Variants in CUEDC1 observed in about 807,000 individuals in gnomAD.
CUEDC1 encodes the protein CUE domain containing 1.
Under a neutral mutation model 43.7 loss-of-function variants are expected in CUEDC1, and 30 were observed. That is an observed-to-expected ratio of 0.69 (90% CI 0.51 to 0.93). The LOEUF (loss-of-function observed/expected upper bound fraction) is 0.93. CUEDC1 is among the 40% of genes least tolerant of loss of function. The probability of loss-of-function intolerance (pLI) is 0.00; values close to 1 mark genes in which losing one functional copy is unlikely to be tolerated. For missense variants in CUEDC1, 486 were observed against 549.0 expected (o/e 0.89, Z 1.15); for synonymous variants, 223 against 223.6 (o/e 1.00, Z 0.02).
intron 10 of CUEDC1, among the ~76,000 whole-genome samples, chr17:57,865,108 G>A (rs2073938195): frequency 6.6e-6 from 1 of 152,220 alleles, no homozygotes; most frequent in African/African-American, 2.4e-5. Context: ...AGTTTCTGAT[G>A]TAGGGGTGGT....
chr17:57,875,082 T>C (rs2074097625), intron 3 of CUEDC1, among the ~76,000 whole-genome samples: 1 of 152,056 alleles, frequency 6.6e-6, no homozygotes. Context: ...TCTACATCAC[T>C]GCCACCTTCT....
At chr17:57,947,136 G>A (rs902737360) in intron 1 of CUEDC1, among the ~76,000 whole-genome samples, 4 of 147,454 alleles carry the variant, frequency 2.7e-5, no homozygotes, top group African/African-American at 1.0e-4. Flanking sequence ...CCAGCTTGCT[G>A]GTCACCAGGA....
rs193032642 is a variant in CUEDC1 at position 57,897,149 on chromosome 17, C to T, written c.-315-11270G>A. Among the ~76,000 whole-genome samples the T allele has an allele frequency of 1.4e-3, 208 of 152,236 alleles. 2 individuals are homozygous for T. Among genetic ancestry groups the T allele is most frequent in the African/African-American group, 4.6e-3 (192 of 41,548 alleles). Reference sequence around the variant, plus strand: ...TAATTATAGCAAACGTCTATGAGCACTTGGTAGGTACATGCATTTTCTATA... The same window carrying T: ...TAATTATAGCAAACGTCTATGAGCATTTGGTAGGTACATGCATTTTCTATA... On this transcript the variant is annotated intron_variant, in intron 1 of 10. Transcript: ENST00000577830.
intron 2 of CUEDC1, among the ~76,000 whole-genome samples, chr17:57,881,671 GC>G (rs2074206246): frequency 6.6e-6 from 1 of 152,150 alleles, no homozygotes; most frequent in Admixed American, 6.5e-5. Flanking sequence ...GGAGGAGAGC[GC>G]AGTAGAAACT....
At chr17:57,951,069 C>T (rs1195795938) in intron 1 of CUEDC1, among the ~76,000 whole-genome samples, 4 of 146,114 alleles carry the variant, frequency 2.7e-5, no homozygotes, top group South Asian at 4.4e-4. Context: ...CTCCACTGTG[C>T]GGTCCTCTCT....
intron 1 of CUEDC1, among the ~76,000 whole-genome samples, chr17:57,894,635 A>C (rs1017018172): frequency 6.6e-6 from 1 of 152,170 alleles, no homozygotes; most frequent in African/African-American, 2.4e-5. Flanking sequence ...ACACCACTGT[A>C]CTCCAGCCTG....
intron 2 of CUEDC1, among the ~76,000 whole-genome samples, chr17:57,883,266 C>T (rs1320910475): frequency 1.3e-5 from 2 of 152,188 alleles, no homozygotes; most frequent in East Asian, 1.9e-4. Context: ...GCAGATGACA[C>T]AGGGATGAGC....
chr17:57,886,789 G>GA (rs1227634073), intron 1 of CUEDC1, among the ~76,000 whole-genome samples: 2 of 149,264 alleles, frequency 1.3e-5, no homozygotes, highest in Non-Finnish European at 1.5e-5. Context: ...GTTGTCTTGA[G>GA]AAACCATATA....
intron 3 of CUEDC1, 95 bp downstream of exon 3, chr17:57,879,516 A>G: frequency 1.4e-6 from 2 of 1,439,458 alleles, no homozygotes; most frequent in South Asian, 1.5e-5. Context: ...AAATATACTG[A>G]GCAGTCCAGC....
intron 1 of CUEDC1, among the ~76,000 whole-genome samples, chr17:57,904,606 GTCA>G (rs2074508578): frequency 6.6e-6 from 1 of 152,182 alleles, no homozygotes; most frequent in South Asian, 2.1e-4. Flanking sequence ...TTTCACAGGG[GTCA>G]TCAAGAGGCT....
chr17:57,919,714 T>G (rs565435742), intron 1 of CUEDC1, among the ~76,000 whole-genome samples: 1 of 152,330 alleles, frequency 6.6e-6, no homozygotes, highest in South Asian at 2.1e-4. Flanking sequence ...TTTCTGCTAC[T>G]TCTTAGCTGT....
intron 1 of CUEDC1, among the ~76,000 whole-genome samples, chr17:57,937,313 T>G (rs1294053449): frequency 6.6e-6 from 1 of 152,100 alleles, no homozygotes; most frequent in Non-Finnish European, 1.5e-5. Context: ...CAGGGAGGTT[T>G]AGAAATCTGC....
chr17:57,868,602 C>T (rs1280333706), intron 7 of CUEDC1: 2 of 364,974 alleles, frequency 5.5e-6, no homozygotes, highest in South Asian at 5.6e-5. Context: ...CTCCCCTAGC[C>T]ACCTCCAAAG....
chr17:57,916,744 C>T (rs1226643760), intron 1 of CUEDC1, among the ~76,000 whole-genome samples: 6 of 152,196 alleles, frequency 3.9e-5, no homozygotes, highest in Non-Finnish European at 8.8e-5. Context: ...AGAACCAGTC[C>T]AAGCAAAAAC....
intron 1 of CUEDC1, among the ~76,000 whole-genome samples, chr17:57,903,756 T>C (rs755303643): frequency 5.3e-5 from 8 of 151,772 alleles, no homozygotes; most frequent in Non-Finnish European, 8.8e-5. Context: ...TTGAGCAACA[T>C]AGAGACCCTT....
Position 57,890,467 on chromosome 17 carries a change from A to G in CUEDC1, c.-315-4588T>C, listed in dbSNP as rs151200416. On this transcript the variant is annotated intron_variant, in intron 1 of 10. Coordinates refer to ENST00000577830, the MANE Select transcript of CUEDC1 (RefSeq NM_001271875.2). The stretch of plus-strand genomic sequence containing the variant: ...CTGACTGGCTTCTGAAAAAGGAAGC[A>G]AACAACCCACTGGGCTCATCAGACC... 3.0e-3 allele frequency among the ~76,000 whole-genome samples: 458 copies of G among 152,306 alleles called. 1 individual carries two copies. Among genetic ancestry groups the G allele is most frequent in the African/African-American group, 0.01 (436 of 41,570 alleles).
At chr17:57,882,048 G>C (rs1387459159) in intron 2 of CUEDC1, among the ~76,000 whole-genome samples, 2 of 152,196 alleles carry the variant, frequency 1.3e-5, no homozygotes, top group Non-Finnish European at 2.9e-5. Flanking sequence ...CAGCCTCCTG[G>C]CTTAACTCAT....
At chr17:57,917,872 C>A (rs541119997) in intron 1 of CUEDC1, among the ~76,000 whole-genome samples, 2 of 152,294 alleles carry the variant, frequency 1.3e-5, no homozygotes, top group East Asian at 3.9e-4. Flanking sequence ...CACCCCAAGG[C>A]TTTTTTGCCT....
At chr17:57,931,762 A>G (rs917066994) in intron 1 of CUEDC1, among the ~76,000 whole-genome samples, 3 of 152,206 alleles carry the variant, frequency 2.0e-5, no homozygotes, top group Admixed American at 2.0e-4. Context: ...AGGTGTCTCA[A>G]TAAGACACAG....
Sources: allele counts gnomAD v4.1 joint callset (sites outside exome capture counted in the v4.1 genomes callset), GRCh38; gene constraint gnomAD v4.1.1; transcripts MANE v1.5; gene names NCBI Gene and HGNC (gene_info 2026-07-23, HGNC 2026-07-21).